Variants in IL4I1 observed in about 807,000 individuals in gnomAD.
IL4I1 encodes the protein L-amino-acid oxidase.
In IL4I1, 24 loss-of-function variants were observed where a neutral mutation model predicts 29.7. The ratio of observed to expected loss-of-function variants is 0.81; its 90% CI spans 0.59 to 1.14. The LOEUF (loss-of-function observed/expected upper bound fraction) is 1.14. Ranked by LOEUF, IL4I1 falls within the 50% of genes most tolerant of loss-of-function variation. The probability of loss-of-function intolerance (pLI) is 0.00; values close to 1 mark genes in which losing one functional copy is unlikely to be tolerated. For missense variants in IL4I1, 686 were observed against 785.6 expected (o/e 0.87, Z 1.52); for synonymous variants, 371 against 352.5 (o/e 1.05, Z -0.59).
chr19:49,922,504 A>G (rs1191777164), intron 2 of IL4I1, among the ~76,000 whole-genome samples: 1 of 151,670 alleles, frequency 6.6e-6, no homozygotes, highest in Non-Finnish European at 1.5e-5. Context: ...AAAGTCCAGC[A>G]CAGAGGGGAC....
At chr19:49,924,001 T>C (rs2075824867) in intron 2 of IL4I1, among the ~76,000 whole-genome samples, 1 of 152,022 alleles carries the variant, frequency 6.6e-6, no homozygotes, top group African/African-American at 2.4e-5. Flanking sequence ...GCCACCGTGA[T>C]TGGGAAAGCA....
intron 2 of IL4I1, among the ~76,000 whole-genome samples, chr19:49,927,366 T>TA (rs1177625111): frequency 6.6e-6 from 1 of 152,062 alleles, no homozygotes; most frequent in Non-Finnish European, 1.5e-5. Context: ...ACACATAACA[T>TA]ACACTATTGA....
upstream of IL4I1, chr19:49,896,929 C>T (rs140305626): frequency 2.3e-3 from 2,188 of 966,380 alleles, 34 homozygotes; most frequent in African/African-American, 0.035. Context: ...ACTGGCAGAG[C>T]CCCGCCCACC....
chr19:49,916,076 G>C (rs559773578), intron 2 of IL4I1, among the ~76,000 whole-genome samples: 261 of 152,366 alleles, frequency 1.7e-3, no homozygotes, highest in African/African-American at 6.0e-3. Flanking sequence ...CTGCACTGCA[G>C]CACACCGAGC....
chr19:49,909,012 C>T lies in IL4I1; in HGVS notation c.-227-4691G>A, dbSNP rs200690516. On this transcript the variant is annotated intron_variant, in intron 2 of 9. Coordinates refer to the IL4I1 transcript ENST00000341114. ...GCGGTGGATGTTGTTGTGGAGGTGC[C>T]GGAAGCTGCTCCAGGTGCCTTTAAG... 4.0e-5 allele frequency: 65 copies of T among 1,612,456 alleles called. No homozygotes were observed. The highest frequency in any genetic ancestry group is 1.9e-4 in the African/African-American group (14 of 74,970).
rs1422631751 is a variant in IL4I1, at chr19:49,890,315, G to T, written c.1059C>A (p.Thr353=). ...ALRRLHYVPA[T]KVFLSFRRPF... ...GCCTGCGGAAGCTTAGGAACACCTT[G>T]GTGGCCGGCACGTAGTGCAGCCTCC... Residue 353 remains threonine (T), a synonymous_variant, in exon 8 of 8, where the codon ACC becomes ACA. Coordinates refer to ENST00000391826, the MANE Select transcript of IL4I1 (RefSeq NM_152899.2). 1.2e-6 allele frequency: 2 copies of T among 1,607,082 alleles called. No individual in the cohort carries two copies. Among genetic ancestry groups the T allele is most frequent in the East Asian group, 2.2e-5 (1 of 44,574 alleles).
At chr19:49,925,048 G>C (rs1568723674) in intron 2 of IL4I1, among the ~76,000 whole-genome samples, 1 of 152,130 alleles carries the variant, frequency 6.6e-6, no homozygotes, top group African/African-American at 2.4e-5. Flanking sequence ...GATCGCCTGA[G>C]TTCGGGAGTT....
At position 49,895,959 on chromosome 19, in the gene IL4I1, G is replaced by A; in HGVS notation, c.108C>T (p.Cys36=). 1.2e-6 allele frequency: 2 copies of A among 1,614,220 alleles called. No individual in the cohort carries two copies. The highest frequency in any genetic ancestry group is 1.7e-6 in the Non-Finnish European group (2 of 1,180,046). Residue 36 remains cysteine (C), a synonymous_variant, in exon 3 of 8, where the codon TGC becomes TGT. Transcript: ENST00000391826. The part of the protein sequence containing the change: ...AERSQDPFEK[C]MQDPDYEQLL... ...GCTGCTCATAGTCAGGATCCTGCAT[G>A]CATTTCTCGAAGGGGTCTTGGCTGC... is the stretch of plus-strand genomic sequence containing the variant.
chr19:49,894,188 G>T, intron 5 of IL4I1, 80 bp downstream of exon 5: 1 of 1,388,064 alleles, frequency 7.2e-7, no homozygotes, highest in Non-Finnish European at 1.0e-6. Flanking sequence ...GGATGCCAGA[G>T]AGAAGAAAAG....
intron 2 of IL4I1, among the ~76,000 whole-genome samples, chr19:49,914,299 G>A (rs1016519718): frequency 1.3e-5 from 2 of 152,204 alleles, no homozygotes; most frequent in African/African-American, 2.4e-5. Flanking sequence ...TGGTGGCGGT[G>A]GAGGAAGCAG....
intron 1 of IL4I1, chr19:49,929,064 G>A (rs975680702): frequency 3.9e-5 from 6 of 152,282 alleles, no homozygotes; most frequent in Admixed American, 3.3e-4. Context: ...GGAAGGAAAG[G>A]CTCGGATCCC....
chr19:49,896,350 C>CGTCCCT (rs148488478), intron 1 of IL4I1, among the ~76,000 whole-genome samples, 168 bp from the exon 2 acceptor site: 1,563 of 152,110 alleles, frequency 0.01, 27 homozygotes, highest in African/African-American at 0.035. Flanking sequence ...TCCCCTGGAC[C>CGTCCCT]GTCCCTGCCT....
At chr19:49,909,869 A>C in intron 2 of IL4I1, 1 of 1,551,748 alleles carries the variant, frequency 6.4e-7, no homozygotes, top group Non-Finnish European at 8.9e-7. Flanking sequence ...CGGTGTCTGC[A>C]GCCTTGGGAA....
In IL4I1 at chr19:49,895,681, C is replaced by T. The variant is rs183282677; in HGVS notation, c.252+134G>A. 6.2e-3 allele frequency: 5,548 copies of T among 898,012 alleles called. 68 individuals carry two copies. Among genetic ancestry groups the T allele is most frequent in the Middle Eastern group, 0.015 (41 of 2,768 alleles). 55.6% of individuals were successfully genotyped at this position (898,012 alleles called of 1,614,324 possible). A position where few individuals can be genotyped will look rare whatever the true frequency, so the allele number is the denominator to read the frequency against. ...GGGCTTGGGCCTCACCCCCAGACTA[C>T]AGGGAAAGATAGCCTCTCCCCCCAC... is the stretch of plus-strand genomic sequence containing the variant. On this transcript the variant is annotated intron_variant, in intron 3 of 7. Coordinates refer to ENST00000391826, the MANE Select transcript of IL4I1 (RefSeq NM_152899.2).
chr19:49,922,871 C>T (rs1386279887), intron 2 of IL4I1, among the ~76,000 whole-genome samples: 1 of 152,134 alleles, frequency 6.6e-6, no homozygotes, highest in African/African-American at 2.4e-5. Flanking sequence ...AGGTGGTCAG[C>T]AGTTCACCGG....
chr19:49,907,199 T>C (rs888449531), intron 2 of IL4I1: 1 of 217,308 alleles, frequency 4.6e-6, no homozygotes, highest in African/African-American at 2.4e-5. Flanking sequence ...TAGCACAGGA[T>C]AGCATAACAA....
intron 2 of IL4I1, among the ~76,000 whole-genome samples, chr19:49,922,880 G>A (rs1332152347): frequency 1.3e-5 from 2 of 152,012 alleles, no homozygotes; most frequent in Non-Finnish European, 2.9e-5. Context: ...GCAGTTCACC[G>A]GTCCAGGCCT....
At chr19:49,914,076 T>A (rs2075555628) in intron 2 of IL4I1, among the ~76,000 whole-genome samples, 1 of 152,132 alleles carries the variant, frequency 6.6e-6, no homozygotes, top group Non-Finnish European at 1.5e-5. Context: ...AGGCCAGGCA[T>A]GATGGCTCAC....
At chr19:49,900,316 T>C (rs200613935), upstream of IL4I1, among the ~76,000 whole-genome samples, 14 of 152,092 alleles carry the variant, frequency 9.2e-5, no homozygotes, top group East Asian at 2.5e-3. Flanking sequence ...CTTTCCAGAA[T>C]GCTCTGTCGC....
Sources: gnomAD v4.1 joint callset for allele counts (sites outside exome capture counted in the v4.1 genomes callset) on GRCh38, gnomAD v4.1.1 for gene constraint, MANE v1.5 for transcripts, NCBI Gene and HGNC (gene_info 2026-07-23, HGNC 2026-07-21) for gene names.